The following PIWIL3 variants were observed in gnomAD, a reference collection of about 807,000 sequenced individuals.
The protein encoded by PIWIL3 is piwi like RNA-mediated gene silencing 3, also known as piwi-like protein 3.
Under a neutral mutation model 109.7 loss-of-function variants are expected in PIWIL3, and 101 were observed. That is an observed-to-expected ratio of 0.92 (90% CI 0.78 to 1.09). The LOEUF is 1.09. Ranked by LOEUF, PIWIL3 falls within the 50% of genes least tolerant of loss-of-function variation. The pLI, the probability that PIWIL3 is intolerant of heterozygous loss-of-function variation, is 0.00. For synonymous variants in PIWIL3, 373 were observed against 376.4 expected (o/e 0.99, Z 0.10); for missense variants, 1,031 against 1,072.6 (o/e 0.96, Z 0.54).
In PIWIL3 at chr22:24,724,901, G is replaced by C. The variant is rs755461741; in HGVS notation, c.2217C>G (p.Thr739=). The C allele has an allele frequency of 1.2e-6, 2 of 1,613,790 alleles. No individual in the cohort carries two copies. The highest frequency in any genetic ancestry group is 1.7e-6 in the Non-Finnish European group (2 of 1,179,886). The part of the protein sequence containing the change: ...EAKKMSTYLK[T]ISPNNFTLAF... ...ATACAACCTACTTGTTAGGAGAGATGGTTTTTAAGTAGGTCGACATCTTTT... is the reference window on the plus strand; with the variant it reads ...ATACAACCTACTTGTTAGGAGAGATCGTTTTTAAGTAGGTCGACATCTTTT... Residue 739 remains threonine, a synonymous_variant, in exon 18 of 21, where the codon ACC becomes ACG. Coordinates refer to ENST00000616349, the MANE Select transcript of PIWIL3 (RefSeq NM_001255975.1).
chr22:24,766,962 TAAA>T (rs11305328), intron 1 of PIWIL3, among the ~76,000 whole-genome samples: 1 of 143,334 alleles, frequency 7.0e-6, no homozygotes. Context: ...ACACCGTCTC[TAAA>T]AAAAAAAAAA....
intron 8 of PIWIL3, among the ~76,000 whole-genome samples, chr22:24,752,181 C>T (rs1601842663): frequency 1.3e-5 from 2 of 150,472 alleles, no homozygotes; most frequent in Non-Finnish European, 3.0e-5. Flanking sequence ...GGAATTTTCT[C>T]TTAATAAAAA....
intron 7 of PIWIL3, 33 bp from the exon 8 acceptor site, chr22:24,754,250 T>C (rs755988410): frequency 1.8e-5 from 28 of 1,570,870 alleles, no homozygotes; most frequent in Non-Finnish European, 2.4e-5. Context: ...ATTAGTCCGA[T>C]CTCTTCACAT....
chr22:24,762,931 T>C (rs1925526882), intron 1 of PIWIL3, among the ~76,000 whole-genome samples: 1 of 152,104 alleles, frequency 6.6e-6, no homozygotes, highest in South Asian at 2.1e-4. Context: ...TGCTGCCACA[T>C]TGGGGATCAA....
At chr22:24,731,375 G>A (rs549947375) in intron 14 of PIWIL3, among the ~76,000 whole-genome samples, 18 of 152,316 alleles carry the variant, frequency 1.2e-4, no homozygotes, top group African/African-American at 1.7e-4. Context: ...ACTTATGGCC[G>A]GGCATGGTGG....
At chr22:24,730,261 A>G in intron 14 of PIWIL3, among the ~76,000 whole-genome samples, 1 of 140,652 alleles carries the variant, frequency 7.1e-6, no homozygotes, top group East Asian at 2.2e-4. Context: ...GGTACTTGGG[A>G]GGCTGAGGCA....
intron 16 of PIWIL3, among the ~76,000 whole-genome samples, chr22:24,727,498 AAACAAC>A (rs925773633): frequency 6.6e-6 from 1 of 152,174 alleles, no homozygotes; most frequent in African/African-American, 2.4e-5. Flanking sequence ...CAACAACAAC[AAACAAC>A]AACAACAAAA....
chr22:24,755,678 G>T, intron 6 of PIWIL3, 106 bp downstream of exon 6: 1 of 1,416,620 alleles, frequency 7.1e-7, no homozygotes, highest in African/African-American at 1.4e-5. Flanking sequence ...TAATACATGA[G>T]GACTAGGAAG....
intron 16 of PIWIL3, 70 bp from the exon 17 acceptor site, chr22:24,725,585 A>G: frequency 2.7e-6 from 4 of 1,466,490 alleles, no homozygotes; most frequent in Non-Finnish European, 3.8e-6. Context: ...GCATTAATCT[A>G]TGGGCAAAAA....
At chr22:24,765,897 T>C (rs1478187717) in intron 1 of PIWIL3, among the ~76,000 whole-genome samples, 2 of 152,204 alleles carry the variant, frequency 1.3e-5, no homozygotes, top group Admixed American at 6.5e-5. Flanking sequence ...TTTTTTGCTA[T>C]AATTATTAGT....
intron 12 of PIWIL3, among the ~76,000 whole-genome samples, chr22:24,746,680 TACAAAAAA>T (rs1286806311): frequency 6.9e-6 from 1 of 145,292 alleles, no homozygotes; most frequent in Non-Finnish European, 1.5e-5. Flanking sequence ...AGTTGCAGGA[TACAAAAAA>T]ACAAAAAATC....
At chr22:24,763,248 A>G (rs1185182792) in intron 1 of PIWIL3, among the ~76,000 whole-genome samples, 1 of 148,572 alleles carries the variant, frequency 6.7e-6, no homozygotes, top group Non-Finnish European at 1.5e-5. Flanking sequence ...GGGCTCAAGC[A>G]ATTCTCCTGC....
intron 1 of PIWIL3, among the ~76,000 whole-genome samples, chr22:24,773,293 T>A (rs1926229314): frequency 6.6e-6 from 1 of 152,222 alleles, no homozygotes; most frequent in South Asian, 2.1e-4. Context: ...CCTGCCTTCC[T>A]GCATGCCCTG....
intron 18 of PIWIL3, among the ~76,000 whole-genome samples, chr22:24,724,625 C>T (rs184499395): frequency 5.5e-4 from 84 of 151,908 alleles, no homozygotes; most frequent in Middle Eastern, 6.8e-3. Flanking sequence ...TTAGTAGAGA[C>T]GGGGTTTCTC....
intron 14 of PIWIL3, among the ~76,000 whole-genome samples, chr22:24,731,017 A>T (rs1569098390): frequency 6.6e-6 from 1 of 152,208 alleles, no homozygotes; most frequent in Non-Finnish European, 1.5e-5. Context: ...ATTAACAGCT[A>T]AAAAAGTCAG....
chr22:24,726,124 AGCATC>A (rs1210957843), intron 16 of PIWIL3, among the ~76,000 whole-genome samples: 6 of 152,156 alleles, frequency 3.9e-5, no homozygotes, highest in Non-Finnish European at 8.8e-5. Flanking sequence ...TGCTAGTGTC[AGCATC>A]TGAACATGGT....
intron 18 of PIWIL3, among the ~76,000 whole-genome samples, chr22:24,724,219 T>C (rs1922852615): frequency 6.6e-6 from 1 of 151,902 alleles, no homozygotes; most frequent in African/African-American, 2.4e-5. Flanking sequence ...CATCACACAT[T>C]GTATTGGTGT....
At position 24,725,026 on chromosome 22, in the gene PIWIL3, C is replaced by T. The variant is rs1437493002; in HGVS notation, c.2092G>A (p.Val698Ile). ...LEICLKAALDVWCKNESSMPH... is the reference protein window; with the variant it reads ...LEICLKAALDIWCKNESSMPH... ...ATCGATGATTCGTTTTTACACCAGACATCCAGGGCAGCTAAGAGGAAATCA... is the reference window on the plus strand; with the variant it reads ...ATCGATGATTCGTTTTTACACCAGATATCCAGGGCAGCTAAGAGGAAATCA... The change falls in exon 18 of 21, where the codon GTC (valine) becomes ATC (isoleucine). Residue 698 changes from valine (V) to isoleucine (I), a missense_variant. Physicochemically the swap from Val to Ile is conservative, Grantham distance 29. Coordinates refer to ENST00000616349, the MANE Select transcript of PIWIL3 (RefSeq NM_001255975.1). 1.2e-6 allele frequency: 2 copies of T among 1,614,162 alleles called. No homozygotes were observed. The highest frequency in any genetic ancestry group is 2.2e-5 in the South Asian group (2 of 91,068).
chr22:24,755,684 G>T, intron 6 of PIWIL3, 100 bp downstream of exon 6: 1 of 1,461,084 alleles, frequency 6.8e-7, no homozygotes, highest in Non-Finnish European at 9.4e-7. Context: ...ATGAGGACTA[G>T]GAAGAACACT....
Sources: allele counts gnomAD v4.1 joint callset (sites outside exome capture counted in the v4.1 genomes callset), GRCh38; gene constraint gnomAD v4.1.1; transcripts MANE v1.5; gene names NCBI Gene and HGNC (gene_info 2026-07-23, HGNC 2026-07-21).